CDIN1: variants seen among roughly 807,000 people sequenced by gnomAD.
CDIN1 encodes the protein CDAN1-interacting nuclease 1.
A neutral mutation model predicts 45.3 loss-of-function variants in CDIN1; 33 were observed. The ratio of observed to expected loss-of-function variants is 0.73; its 90% CI spans 0.55 to 0.97. CDIN1 has a LOEUF of 0.97. Among genes scored for constraint, CDIN1 ranks in the 50% least tolerant of loss-of-function variants. The pLI is 0.00. For synonymous variants in CDIN1, 118 were observed against 124.4 expected, an observed-to-expected ratio of 0.95 and a Z score of 0.34; for missense variants, 303 against 339.4, an observed-to-expected ratio of 0.89 and a Z score of 0.84.
intron 8 of CDIN1, chr15:36,708,983 C>T (rs1318842764): frequency 2.3e-5 from 8 of 348,536 alleles, no homozygotes; most frequent in East Asian, 9.0e-5. Context: ...AGCTTGAACT[C>T]GTGATGTTTA....
At chr15:36,621,330 C>A (rs16963714) in intron 1 of CDIN1, among the ~76,000 whole-genome samples, 1 of 152,090 alleles carries the variant, frequency 6.6e-6, no homozygotes, top group African/African-American at 2.4e-5. Context: ...TTTGGAGATA[C>A]GTATTAGCGA....
Position 36,663,915 on chromosome 15 carries a change from CTG to C in CDIN1, c.346+6012_346+6013del, listed in dbSNP as rs1358959300. ...CAAGGTTGAAGATGATCCAGCAACA[CTG>C]TAAAATGTGTTGAAGTAAGGTAATT... On this transcript the variant is annotated intron_variant, in intron 5 of 10. Coordinates refer to ENST00000566621, the MANE Select transcript of CDIN1 (RefSeq NM_001321759.2). Among the ~76,000 whole-genome samples, 4 of 152,196 alleles carry C rather than the reference CTG, an allele frequency of 2.6e-5. 1 individual carries two copies. The highest frequency in any genetic ancestry group is 9.7e-5 in the African/African-American group (4 of 41,450).
chr15:36,756,256 G>A (rs149706376), intron 10 of CDIN1: 30 of 378,738 alleles, frequency 7.9e-5, no homozygotes, highest in African/African-American at 6.0e-4. Flanking sequence ...TGGCACATTT[G>A]GCAGTAGGTT....
rs1016488084 is a variant in CDIN1, at chr15:36,692,164, C to G, written c.465C>G (p.Asp155Glu). The change falls in exon 7 of 11, where the codon GAC (aspartate) becomes GAG (glutamate). Residue 155 changes from aspartate to glutamate, a missense_variant. Physicochemically the swap from Asp to Glu is conservative, Grantham distance 45. Coordinates refer to ENST00000566621, the MANE Select transcript of CDIN1 (RefSeq NM_001321759.2). ...VNDCCYGPLV[D>E]CIKHAIGHEH... is the part of the protein sequence containing the mutation. ...ACTGCTGTTACGGACCACTAGTGGA[C>G]TGCATCAAGCAGTATCCTTTCCCAT... is the stretch of plus-strand genomic sequence containing the variant. 1 of 1,613,702 alleles carries G rather than the reference C, an allele frequency of 6.2e-7. No homozygotes were observed. Among genetic ancestry groups the G allele is most frequent in the South Asian group, 1.1e-5 (1 of 91,008 alleles).
chr15:36,691,395 G>A (rs1457166753), intron 5 of CDIN1: 3 of 315,756 alleles, frequency 9.5e-6, no homozygotes, highest in Admixed American at 4.9e-5. Flanking sequence ...ACCCCAAATG[G>A]GCTTTTCGGA....
chr15:36,613,807 C>A (rs2038761530), intron 1 of CDIN1: 1 of 1,603,670 alleles, frequency 6.2e-7, no homozygotes, highest in Non-Finnish European at 8.5e-7. Context: ...AAATCCAACC[C>A]AAAGAAGCTA....
At chr15:36,617,084 A>T (rs746169598) in intron 1 of CDIN1, 7 of 791,842 alleles carry the variant, frequency 8.8e-6, no homozygotes, top group Non-Finnish European at 1.6e-5. Flanking sequence ...CGAGCAGAGG[A>T]CGACATGTTG....
At chr15:36,805,997 A>G (rs976864064) in intron 10 of CDIN1, among the ~76,000 whole-genome samples, 1 of 152,194 alleles carries the variant, frequency 6.6e-6, no homozygotes, top group Admixed American at 6.5e-5. Flanking sequence ...TTTGAGCTAC[A>G]TTGACAGAGG....
intron 1 of CDIN1, among the ~76,000 whole-genome samples, chr15:36,609,393 G>T (rs778287873): frequency 6.6e-5 from 10 of 152,134 alleles, no homozygotes; most frequent in Non-Finnish European, 1.3e-4. Flanking sequence ...ATAAAAACTT[G>T]TATAAACCAG....
At chr15:36,590,152 G>A (rs1220920254) in intron 1 of CDIN1, among the ~76,000 whole-genome samples, 1 of 152,048 alleles carries the variant, frequency 6.6e-6, no homozygotes, top group Non-Finnish European at 1.5e-5. Flanking sequence ...TTCTGGCTTC[G>A]TGACAGCAAG....
At chr15:36,629,804 C>T (rs959336489) in intron 1 of CDIN1, among the ~76,000 whole-genome samples, 2 of 152,002 alleles carry the variant, frequency 1.3e-5, no homozygotes, top group African/African-American at 4.8e-5. Flanking sequence ...GTCTTCATAA[C>T]CTTCTTGTCT....
chr15:36,722,698 G>C (rs1026767700), intron 10 of CDIN1, among the ~76,000 whole-genome samples: 1 of 152,132 alleles, frequency 6.6e-6, no homozygotes, highest in East Asian at 1.9e-4. Flanking sequence ...TAATGTATAA[G>C]TGATGAGGCT....
At chr15:36,756,142 GT>G (rs1363040643) in intron 10 of CDIN1, 5 of 455,878 alleles carry the variant, frequency 1.1e-5, no homozygotes, top group Admixed American at 2.4e-5. Context: ...TTAAGGTACA[GT>G]TTTAAAAAGG....
chr15:36,647,974 G>T (rs777047058), intron 3 of CDIN1, among the ~76,000 whole-genome samples: 1 of 151,942 alleles, frequency 6.6e-6, no homozygotes, highest in Admixed American at 6.6e-5. Flanking sequence ...TGGGTGGCTG[G>T]GACTACAGGT....
At chr15:36,636,556 A>G (rs534225752) in intron 1 of CDIN1, among the ~76,000 whole-genome samples, 1 of 152,258 alleles carries the variant, frequency 6.6e-6, no homozygotes, top group Admixed American at 6.5e-5. Flanking sequence ...CATCTCAAAA[A>G]CAAAAACAAA....
chr15:36,678,742 C>T (rs953103901), intron 5 of CDIN1, among the ~76,000 whole-genome samples: 3 of 152,304 alleles, frequency 2.0e-5, no homozygotes, highest in East Asian at 3.9e-4. Flanking sequence ...GGGATCCCAA[C>T]GATATATGGT....
At chr15:36,733,336 T>G (rs1566937678) in intron 10 of CDIN1, among the ~76,000 whole-genome samples, 1 of 152,046 alleles carries the variant, frequency 6.6e-6, no homozygotes, top group Non-Finnish European at 1.5e-5. Context: ...AAACCTGCAT[T>G]TACTTGGCAC....
At chr15:36,796,040 C>G (rs2141104691) in intron 10 of CDIN1, among the ~76,000 whole-genome samples, 2 of 152,252 alleles carry the variant, frequency 1.3e-5, no homozygotes, top group South Asian at 4.1e-4. Context: ...AAAGTATGAC[C>G]TTGTATTGCC....
intron 5 of CDIN1, chr15:36,691,156 A>T (rs1476013437): frequency 1.9e-6 from 1 of 518,696 alleles, no homozygotes; most frequent in Non-Finnish European, 3.8e-6. Context: ...ATTTTATGGC[A>T]GTTGATGAGA....
Sources: allele counts gnomAD v4.1 joint callset (sites outside exome capture counted in the v4.1 genomes callset), GRCh38; gene constraint gnomAD v4.1.1; transcripts MANE v1.5; gene names NCBI Gene and HGNC (gene_info 2026-07-23, HGNC 2026-07-21).